The following PDZRN4 variants were observed in gnomAD, a reference collection of about 807,000 sequenced individuals.
The protein encoded by PDZRN4 is PDZ domain-containing RING finger protein 4.
Under a neutral mutation model 99.0 loss-of-function variants are expected in PDZRN4, and 70 were observed. The observed-to-expected ratio is 0.71, with a 90% CI of 0.58 to 0.86. PDZRN4 has a LOEUF of 0.86. Ranked by LOEUF, PDZRN4 falls within the 40% of genes least tolerant of loss-of-function variation. The probability of loss-of-function intolerance (pLI) is 0.00; values close to 1 mark genes in which losing one functional copy is unlikely to be tolerated. For synonymous variants in PDZRN4, 551 were observed against 501.6 expected, an observed-to-expected ratio of 1.10 and a Z score of -1.32; for missense variants, 1,474 against 1,331.2, an observed-to-expected ratio of 1.11 and a Z score of -1.67.
intron 3 of PDZRN4, among the ~76,000 whole-genome samples, chr12:41,376,385 T>C (rs892442253): frequency 6.6e-6 from 1 of 152,172 alleles, no homozygotes; most frequent in African/African-American, 2.4e-5. Context: ...CTCATAAACA[T>C]TTGTTATCTC....
chr12:41,391,424 T>A (rs1952210798), intron 3 of PDZRN4, among the ~76,000 whole-genome samples: 2 of 152,170 alleles, frequency 1.3e-5, no homozygotes, highest in Admixed American at 1.3e-4. Flanking sequence ...TAACAAGTCC[T>A]GCTCTCTCCA....
chr12:41,464,263 C>T (rs1314505895), intron 3 of PDZRN4, among the ~76,000 whole-genome samples: 3 of 150,660 alleles, frequency 2.0e-5, no homozygotes, highest in African/African-American at 7.3e-5. Flanking sequence ...AGAGAATTAG[C>T]CCAGTTCTAG....
chr12:41,432,484 G>T (rs1223289375), intron 3 of PDZRN4, among the ~76,000 whole-genome samples: 1 of 152,194 alleles, frequency 6.6e-6, no homozygotes, highest in East Asian at 1.9e-4. Context: ...ACTCAGGCAT[G>T]CTGTCATCCC....
At chr12:41,205,804 G>A (rs1273045656) in intron 3 of PDZRN4, among the ~76,000 whole-genome samples, 1 of 151,852 alleles carries the variant, frequency 6.6e-6, no homozygotes, top group Non-Finnish European at 1.5e-5. Context: ...ATCAAAAAGT[G>A]AAGTTATGCT....
At chr12:41,413,156 A>G (rs1216999692) in intron 3 of PDZRN4, 2 of 152,138 alleles carry the variant, frequency 1.3e-5, no homozygotes, top group Non-Finnish European at 2.9e-5. Flanking sequence ...AAAATGTGGT[A>G]TACATACATA....
intron 3 of PDZRN4, among the ~76,000 whole-genome samples, chr12:41,194,686 G>A (rs777954842): frequency 6.6e-5 from 10 of 152,064 alleles, no homozygotes; most frequent in Non-Finnish European, 1.0e-4. Context: ...TATATAATTC[G>A]TTAGATATTG....
At chr12:41,530,865 C>T (rs1938648312) in intron 5 of PDZRN4, among the ~76,000 whole-genome samples, 1 of 152,060 alleles carries the variant, frequency 6.6e-6, no homozygotes. Context: ...GGGAAAAGTT[C>T]CCTTGTCCTT....
intron 3 of PDZRN4, among the ~76,000 whole-genome samples, chr12:41,194,836 G>C (rs1950761226): frequency 6.6e-6 from 1 of 152,058 alleles, no homozygotes. Context: ...AAAAAAGGAT[G>C]ATAAATCTCT....
chr12:41,407,836 G>A (rs1051338610), intron 3 of PDZRN4, among the ~76,000 whole-genome samples: 3 of 152,136 alleles, frequency 2.0e-5, no homozygotes, highest in Non-Finnish European at 4.4e-5. Context: ...AAGTTATCAC[G>A]CAACTGGCAT....
intron 3 of PDZRN4, chr12:41,477,742 C>A: frequency 1.4e-6 from 1 of 700,936 alleles, no homozygotes; most frequent in Admixed American, 2.1e-5. Flanking sequence ...CACAAAACAG[C>A]CAAATAAAAA....
intron 3 of PDZRN4, among the ~76,000 whole-genome samples, chr12:41,458,871 G>C (rs543384843): frequency 6.6e-6 from 1 of 152,316 alleles, no homozygotes; most frequent in Admixed American, 6.5e-5. Flanking sequence ...TGATTTCCAT[G>C]AGGGGGTTAG....
chr12:41,367,464 G>A (rs1026101948), intron 3 of PDZRN4, among the ~76,000 whole-genome samples: 64 of 152,038 alleles, frequency 4.2e-4, no homozygotes, highest in African/African-American at 1.4e-3. Context: ...AGTCGAGATC[G>A]TACCATTGCA....
chr12:41,516,734 A>G lies in PDZRN4; in HGVS notation c.1203+6821A>G, dbSNP rs370167892. Among the ~76,000 whole-genome samples the G allele has an allele frequency of 8.6e-5, 13 of 151,854 alleles. 1 individual carries two copies. In the East Asian group the frequency reaches 1.6e-3, roughly 18 times the overall value. The stretch of plus-strand genomic sequence containing the variant: ...GTACCTATACATCCTGGTTTGCCCT[A>G]AACAGTCTTGATGTATGGCTCATTA... On this transcript the variant is annotated intron_variant, in intron 5 of 9. Coordinates refer to ENST00000402685, the MANE Select transcript of PDZRN4 (RefSeq NM_001164595.2).
intron 3 of PDZRN4, among the ~76,000 whole-genome samples, chr12:41,228,143 A>G (rs1443641277): frequency 6.6e-6 from 1 of 152,276 alleles, no homozygotes; most frequent in South Asian, 2.1e-4. Flanking sequence ...TGAATGCCAC[A>G]TCTACTTATT....
chr12:41,220,190 C>T (rs1950945678), intron 3 of PDZRN4, among the ~76,000 whole-genome samples: 1 of 152,104 alleles, frequency 6.6e-6, no homozygotes, highest in Admixed American at 6.6e-5. Context: ...TGTAATTTCT[C>T]ACAGTTTTGG....
intron 3 of PDZRN4, among the ~76,000 whole-genome samples, chr12:41,213,956 G>T (rs1950903805): frequency 6.6e-6 from 1 of 151,902 alleles, no homozygotes; most frequent in African/African-American, 2.4e-5. Context: ...TTGTTATCAA[G>T]ATTAAATGAG....
At chr12:41,302,821 T>A (rs552242389) in intron 3 of PDZRN4, among the ~76,000 whole-genome samples, 167 of 152,194 alleles carry the variant, frequency 1.1e-3, no homozygotes, top group Middle Eastern at 3.4e-3. Flanking sequence ...ATGTACCTAA[T>A]CTAAGTGAAC....
intron 5 of PDZRN4, among the ~76,000 whole-genome samples, chr12:41,528,011 A>G (rs1476580621): frequency 6.6e-6 from 1 of 152,226 alleles, no homozygotes; most frequent in African/African-American, 2.4e-5. Flanking sequence ...AAGAGTTTCA[A>G]TAGCTTTAAA....
intron 5 of PDZRN4, among the ~76,000 whole-genome samples, chr12:41,537,905 T>A (rs904778873): frequency 3.3e-5 from 5 of 152,128 alleles, no homozygotes; most frequent in Non-Finnish European, 5.9e-5. Flanking sequence ...CATGTGGAGA[T>A]CTGGTTCTGA....
Sources: gnomAD v4.1 joint callset for allele counts (sites outside exome capture counted in the v4.1 genomes callset) on GRCh38, gnomAD v4.1.1 for gene constraint, MANE v1.5 for transcripts, NCBI Gene and HGNC (gene_info 2026-07-23, HGNC 2026-07-21) for gene names.